TANC2: variants seen among roughly 807,000 people sequenced by gnomAD.
The protein encoded by TANC2 is protein TANC2.
TANC2 carries 26 observed loss-of-function variants against 210.5 expected under a neutral mutation model. The ratio of observed to expected loss-of-function variants is 0.12; its 90% CI spans 0.09 to 0.17. The LOEUF (loss-of-function observed/expected upper bound fraction) is 0.17, where lower values mean the gene tolerates loss of function less well. Among genes scored for constraint, TANC2 ranks in the 10% least tolerant of loss-of-function variants. TANC2 has a pLI of 1.00. For synonymous variants in TANC2, 931 were observed against 967.1 expected (o/e 0.96, Z 0.69); for missense variants, 2,129 against 2,608.9 (o/e 0.82, Z 4.01).
intron 7 of TANC2, among the ~76,000 whole-genome samples, chr17:63,235,213 A>T (rs1161954966): frequency 1.3e-5 from 2 of 152,092 alleles, no homozygotes; most frequent in Admixed American, 6.5e-5. Context: ...TTGCTACCAC[A>T]TACTATCCTT....
chr17:63,282,494 C>T lies in TANC2; in HGVS notation c.1159+14621C>T, dbSNP rs117981945. Among the ~76,000 whole-genome samples the T allele has an allele frequency of 4.8e-3, 726 of 152,198 alleles. 2 individuals carry two copies. Among genetic ancestry groups the T allele is most frequent in the Admixed American group, 7.3e-3 (111 of 15,274 alleles). The stretch of plus-strand genomic sequence containing the variant: ...AATTGAACCTGCTATCAGAAACCAT[C>T]CACCAAATAAAACTTCATGATCAAG... On this transcript the variant is annotated intron_variant, in intron 9 of 27. Coordinates refer to ENST00000689528, the Ensembl canonical transcript of TANC2.
rs1285396702 is a variant in TANC2, at chr17:63,232,803, G to C, written c.770-5011G>C. 3.3e-5 allele frequency among the ~76,000 whole-genome samples: 5 copies of C among 152,232 alleles called. No individual in the cohort carries two copies. The South Asian group carries it at 1.0e-3, about 31-fold the overall frequency. On this transcript the variant is annotated intron_variant, in intron 7 of 27. Transcript: ENST00000689528. ...TGGGCAGAGGGGGTGCACTGCACTGGGGGGAATCCCACTTGTCTGGACTAC... is the reference window on the plus strand; with the variant it reads ...TGGGCAGAGGGGGTGCACTGCACTGCGGGGAATCCCACTTGTCTGGACTAC...
At chr17:63,239,672 C>T (rs914529444) in intron 8 of TANC2, among the ~76,000 whole-genome samples, 3 of 152,230 alleles carry the variant, frequency 2.0e-5, no homozygotes, top group African/African-American at 7.2e-5. Flanking sequence ...TGTCAATCCC[C>T]AACTACCATG....
intron 7 of TANC2, among the ~76,000 whole-genome samples, chr17:63,225,877 G>T (rs2042315180): frequency 1.3e-5 from 2 of 152,066 alleles, no homozygotes; most frequent in African/African-American, 2.4e-5. Flanking sequence ...TTCATTTTTT[G>T]ATTTCTAATT....
At chr17:63,270,201 A>G (rs1217540710) in intron 9 of TANC2, among the ~76,000 whole-genome samples, 1 of 152,166 alleles carries the variant, frequency 6.6e-6, no homozygotes, top group Non-Finnish European at 1.5e-5. Context: ...CTGAACAATA[A>G]TCCTCTCTCA....
Position 63,107,960 on chromosome 17 carries a change from A to C in TANC2, c.322+8603A>C, listed in dbSNP as rs148467045. Among the ~76,000 whole-genome samples, 42 of 151,930 alleles carry C rather than the reference A, an allele frequency of 2.8e-4. No homozygotes were observed. In the East Asian group the frequency reaches 6.9e-3, roughly 25 times the overall value. The stretch of plus-strand genomic sequence containing the variant: ...CATTAAATTGTACTTATATCTCAAT[A>C]AGGAAGTTTTTTAAAAATAAAAACT... On this transcript the variant is annotated intron_variant, in intron 4 of 27. Coordinates refer to ENST00000689528, the Ensembl canonical transcript of TANC2.
intron 2 of TANC2, 132 bp downstream of exon 2, chr17:63,009,758 G>A: frequency 2.9e-6 from 2 of 698,910 alleles, no homozygotes; most frequent in Non-Finnish European, 4.8e-6. Context: ...ATTTCTTTGG[G>A]CTTTCATACG....
chr17:63,358,379 ATGTGTGT>A (rs2046847551), intron 14 of TANC2, among the ~76,000 whole-genome samples: 8 of 139,540 alleles, frequency 5.7e-5, no homozygotes, highest in African/African-American at 2.2e-4. Context: ...GAGAGAGAGT[ATGTGTGT>A]GTGTGTGTGT....
intron 1 of TANC2, among the ~76,000 whole-genome samples, chr17:62,975,932 CT>C: frequency 6.6e-6 from 1 of 152,230 alleles, no homozygotes; most frequent in East Asian, 1.9e-4. Context: ...CAATTTTTTA[CT>C]GGCATTGTCA....
intron 4 of TANC2, among the ~76,000 whole-genome samples, chr17:63,114,950 T>A (rs761307146): frequency 6.6e-6 from 1 of 152,292 alleles, no homozygotes; most frequent in South Asian, 2.1e-4. Flanking sequence ...CCCAGTTAGC[T>A]CCTACACAGC....
intron 7 of TANC2, among the ~76,000 whole-genome samples, chr17:63,221,080 A>T (rs2042175034): frequency 6.6e-6 from 1 of 152,002 alleles, no homozygotes; most frequent in African/African-American, 2.4e-5. Flanking sequence ...CATTAACCCT[A>T]AAAGAAAAAT....
intron 9 of TANC2, 71 bp downstream of exon 9, chr17:63,267,944 T>C: frequency 1.3e-6 from 2 of 1,521,454 alleles, no homozygotes; most frequent in Non-Finnish European, 1.8e-6. Context: ...AAAAGTTGCT[T>C]TGTCTCCTAT....
At chr17:63,250,223 C>T (rs1405281336) in intron 8 of TANC2, among the ~76,000 whole-genome samples, 1 of 151,962 alleles carries the variant, frequency 6.6e-6, no homozygotes, top group Non-Finnish European at 1.5e-5. Context: ...CTCCATTCAT[C>T]TGAACTCACC....
At position 63,368,460 on chromosome 17, in the gene TANC2, G is replaced by A. The variant is rs2047172066; in HGVS notation, c.2583-11258G>A. ...CAGTAGAAGCCATAGTACTAAACGA[G>A]ATCACCCAAGAATATAAAGTAGAAA... is the stretch of plus-strand genomic sequence containing the variant. On this transcript the variant is annotated intron_variant, in intron 14 of 27. Coordinates refer to ENST00000689528, the Ensembl canonical transcript of TANC2. Among the ~76,000 whole-genome samples the A allele has an allele frequency of 2.0e-5, 3 of 152,280 alleles. 1 individual carries two copies. Among genetic ancestry groups the A allele is most frequent in the East Asian group, 3.9e-4 (2 of 5,188 alleles).
chr17:63,143,582 T>C (rs1167071925), intron 4 of TANC2, among the ~76,000 whole-genome samples: 1 of 152,212 alleles, frequency 6.6e-6, no homozygotes, highest in African/African-American at 2.4e-5. Flanking sequence ...ACTTTATTAA[T>C]ATATTTGTTA....
At chr17:63,054,432 C>T (rs1467462618) in intron 2 of TANC2, among the ~76,000 whole-genome samples, 2 of 152,024 alleles carry the variant, frequency 1.3e-5, no homozygotes, top group African/African-American at 2.4e-5. Context: ...AGTATAGTGG[C>T]GCGATCTCGG....
intron 2 of TANC2, among the ~76,000 whole-genome samples, chr17:63,049,293 CA>C (rs1382191593): frequency 4.6e-5 from 7 of 151,946 alleles, no homozygotes; most frequent in Admixed American, 2.0e-4. Context: ...ATAGGTAAAA[CA>C]TAGAATATAT....
At chr17:63,268,267 C>T (rs2043591058) in intron 9 of TANC2, among the ~76,000 whole-genome samples, 1 of 152,074 alleles carries the variant, frequency 6.6e-6, no homozygotes, top group Non-Finnish European at 1.5e-5. Flanking sequence ...GTTGAGCATC[C>T]CTAATCTGAA....
At chr17:63,224,044 G>A (rs1485183160) in intron 7 of TANC2, among the ~76,000 whole-genome samples, 3 of 152,076 alleles carry the variant, frequency 2.0e-5, no homozygotes, top group African/African-American at 7.2e-5. Flanking sequence ...CTAGACCAGT[G>A]AATTCTGGTC....
Sources: gnomAD v4.1 joint callset for allele counts (sites outside exome capture counted in the v4.1 genomes callset) on GRCh38, gnomAD v4.1.1 for gene constraint, MANE v1.5 for transcripts, NCBI Gene and HGNC (gene_info 2026-07-23, HGNC 2026-07-21) for gene names.